Variants in KLHDC4 observed in about 807,000 individuals in gnomAD.
KLHDC4 encodes kelch domain containing 4, also known as kelch domain-containing protein 4.
KLHDC4 carries 90 observed loss-of-function variants against 62.4 expected under a neutral mutation model. The ratio of observed to expected loss-of-function variants is 1.44; its 90% confidence interval spans 1.22 to 1.72. KLHDC4 has a LOEUF of 1.72. Among genes scored for constraint, KLHDC4 ranks in the 40% most tolerant of loss-of-function variants. The probability of loss-of-function intolerance (pLI) is 0.00; values close to 1 mark genes in which losing one functional copy is unlikely to be tolerated. For missense variants in KLHDC4, 1,025 were observed against 699.7 expected (o/e 1.47, Z -5.25); for synonymous variants, 386 against 284.4 (o/e 1.36, Z -3.59).
Position 87,745,493 on chromosome 16 carries a change from G to A in KLHDC4, c.506+3180C>T, listed in dbSNP as rs960606739. Among the ~76,000 whole-genome samples, 3 of 152,260 alleles carry A rather than the reference G, an allele frequency of 2.0e-5. No homozygotes were observed. The South Asian group carries it at 6.2e-4, about 31-fold the overall frequency. ...CCAGTCACCATTTTTAACTTTCCCT[G>A]TGGCATCATCTTCCACACAAAGACC... On this transcript the variant is annotated intron_variant, in intron 5 of 11. Transcript: ENST00000270583.
chr16:87,705,527 G>T (rs2034561434), downstream of KLHDC4, among the ~76,000 whole-genome samples: 1 of 152,252 alleles, frequency 6.6e-6, no homozygotes, highest in South Asian at 2.1e-4. Flanking sequence ...GTGTAAGAAA[G>T]TGTACAAGAA....
At chr16:87,733,642 G>A (rs71392310) in intron 5 of KLHDC4, among the ~76,000 whole-genome samples, 3 of 122,760 alleles carry the variant, frequency 2.4e-5, no homozygotes, top group Admixed American at 1.6e-4. Context: ...GACCTGCCTC[G>A]CCTCCTACTT....
At chr16:87,748,634 A>T in intron 5 of KLHDC4, 39 bp downstream of exon 5, 2 of 1,612,482 alleles carry the variant, frequency 1.2e-6, no homozygotes, top group Non-Finnish European at 1.7e-6. Context: ...AGCACAGAAG[A>T]GCCATGCCCG....
At position 87,730,566 on chromosome 16, in the gene KLHDC4, G is replaced by A. The variant is rs766700059; in HGVS notation, c.585C>T (p.Phe195=). The A allele has an allele frequency of 3.7e-6, 6 of 1,611,902 alleles. No individual in the cohort carries two copies. The highest frequency in any genetic ancestry group is 3.3e-5 in the South Asian group (3 of 90,486). Residue 195 remains phenylalanine (F), a synonymous_variant, in exon 6 of 12, where the codon TTC becomes TTT. Transcript: ENST00000270583. The part of the protein sequence containing the change: ...WKRQLILFGG[F]HESTRDYIYY... ...TTGGTACCAACCGTGTACTTTCATGGAAGCCACCAAACAGGATCAATTGTC... is the reference window on the plus strand; with the variant it reads ...TTGGTACCAACCGTGTACTTTCATGAAAGCCACCAAACAGGATCAATTGTC...
chr16:87,734,685 G>A (rs527923297), intron 5 of KLHDC4, among the ~76,000 whole-genome samples: 1 of 152,278 alleles, frequency 6.6e-6, no homozygotes, highest in South Asian at 2.1e-4. Context: ...GTTGGCATGA[G>A]CCTTTGGGGT....
At chr16:87,763,015 G>A (rs763186678) in intron 1 of KLHDC4, among the ~76,000 whole-genome samples, 4 of 152,070 alleles carry the variant, frequency 2.6e-5, no homozygotes, top group East Asian at 1.9e-4. Context: ...GCCCCACCTC[G>A]TGCTTCCTTC....
intron 5 of KLHDC4, among the ~76,000 whole-genome samples, chr16:87,742,788 C>A (rs897677903): frequency 3.9e-5 from 6 of 152,170 alleles, no homozygotes; most frequent in Non-Finnish European, 8.8e-5. Flanking sequence ...CTGCTGGCCA[C>A]TGTGCCAGGA....
intron 4 of KLHDC4, 49 bp from the exon 5 acceptor site, chr16:87,748,858 G>A: frequency 1.2e-6 from 2 of 1,607,004 alleles, no homozygotes; most frequent in Non-Finnish European, 1.7e-6. Flanking sequence ...CAGCAGAAGG[G>A]CCAGTGTCAT....
intron 8 of KLHDC4, among the ~76,000 whole-genome samples, chr16:87,711,824 A>AG (rs35078487): frequency 3.5e-5 from 5 of 143,016 alleles, no homozygotes; most frequent in African/African-American, 1.3e-4. Context: ...CCCTTCGCCC[A>AG]GGGGGCTGAG....
chr16:87,723,665 T>C (rs992924878), intron 7 of KLHDC4, among the ~76,000 whole-genome samples: 3 of 152,260 alleles, frequency 2.0e-5, no homozygotes, highest in Non-Finnish European at 2.9e-5. Flanking sequence ...AATCGGGTCA[T>C]TCCGATCAAC....
rs1376767885 is a variant in KLHDC4 at position 87,761,989 on chromosome 16, T to A, written c.151A>T (p.Thr51Ser). Residue 51 changes from threonine to serine, a missense_variant, in exon 2 of 12, where the codon ACT (threonine) becomes TCT (serine). Coordinates refer to ENST00000270583, the MANE Select transcript of KLHDC4 (RefSeq NM_017566.4). Reference sequence around the variant, plus strand: ...GGGCACGGAAGTTCCACAGTCTGAGTCCTCTTGGCATCGAGTGTCTGGAAA... The same window carrying A: ...GGGCACGGAAGTTCCACAGTCTGAGACCTCTTGGCATCGAGTGTCTGGAAA... ...AHFQTLDAKR[T>S]QTVELPCPPP... 1 of 1,613,860 alleles carries A rather than the reference T, an allele frequency of 6.2e-7. No homozygotes were observed. Among genetic ancestry groups the A allele is most frequent in the South Asian group, 1.1e-5 (1 of 91,020 alleles).
chr16:87,725,976 A>G (rs377371008), intron 7 of KLHDC4, among the ~76,000 whole-genome samples: 1 of 152,154 alleles, frequency 6.6e-6, no homozygotes, highest in African/African-American at 2.4e-5. Context: ...AATCGCTCAC[A>G]CTGCACTGCT....
At chr16:87,732,711 G>C (rs1428065575) in intron 5 of KLHDC4, among the ~76,000 whole-genome samples, 4 of 151,966 alleles carry the variant, frequency 2.6e-5, no homozygotes, top group African/African-American at 7.3e-5. Flanking sequence ...ACGGGACAAT[G>C]CTCGAAAAAC....
chr16:87,712,706 C>G (rs1479758769), intron 8 of KLHDC4, among the ~76,000 whole-genome samples: 1 of 152,262 alleles, frequency 6.6e-6, no homozygotes, highest in African/African-American at 2.4e-5. Context: ...GGTGTGGACT[C>G]AGATTAACCC....
chr16:87,723,972 G>A (rs1454406482), intron 7 of KLHDC4, among the ~76,000 whole-genome samples: 1 of 152,172 alleles, frequency 6.6e-6, no homozygotes, highest in African/African-American at 2.4e-5. Flanking sequence ...GAGTAGCTGG[G>A]ATTACAGGCA....
At chr16:87,730,779 C>G in intron 5 of KLHDC4, 135 bp from the exon 6 acceptor site, 2 of 713,346 alleles carry the variant, frequency 2.8e-6, no homozygotes, top group Non-Finnish European at 2.4e-6. Context: ...AAATTAAATA[C>G]CATTTAATCT....
exon 1 of KLHDC4, chr16:87,698,656 G>C (rs2034003757): frequency 6.6e-6 from 1 of 152,260 alleles, no homozygotes; most frequent in African/African-American, 2.4e-5. Context: ...TGAATTCCAG[G>C]AGGATTCAAC....
rs375421008 is a variant in KLHDC4 at position 87,726,808 on chromosome 16, G to C, written c.716C>G (p.Thr239Ser). 8 of 1,610,416 alleles carry C rather than the reference G, an allele frequency of 5.0e-6. No homozygotes were observed. In the African/African-American group the frequency reaches 1.1e-4, roughly 22 times the overall value. Reference protein sequence around the residue: ...TPRSGCQMSVTPQGGIVVYGG... With the variant: ...TPRSGCQMSVSPQGGIVVYGG... Reference sequence around the variant, plus strand: ...ATAGACGACGATGCCGCCCTGGGGAGTGACGGACATCTGGCAGCCTGATCT... The same window carrying C: ...ATAGACGACGATGCCGCCCTGGGGACTGACGGACATCTGGCAGCCTGATCT... Residue 239 changes from threonine to serine, a missense_variant, in exon 7 of 12, where the codon ACT (threonine) becomes AGT (serine). Physicochemically the swap from Thr to Ser is moderately conservative, Grantham distance 58. Transcript: ENST00000270583.
chr16:87,717,105 T>C (rs2037159914), intron 7 of KLHDC4, among the ~76,000 whole-genome samples: 1 of 151,456 alleles, frequency 6.6e-6, no homozygotes, highest in Non-Finnish European at 1.5e-5. Context: ...GTGGCATGCA[T>C]CTGTAGTCTC....
Sources: gnomAD v4.1 joint callset for allele counts (sites outside exome capture counted in the v4.1 genomes callset) on GRCh38, gnomAD v4.1.1 for gene constraint, MANE v1.5 for transcripts, NCBI Gene and HGNC (gene_info 2026-07-23, HGNC 2026-07-21) for gene names.